The following NEGR1 variants were observed in gnomAD, a reference collection of about 807,000 sequenced individuals.
NEGR1 encodes the protein neuronal growth regulator 1, also known as IgLON family member 4.
In NEGR1, 10 loss-of-function variants were observed where a neutral mutation model predicts 40.9. The observed-to-expected ratio is 0.24, with a 90% CI of 0.15 to 0.42. NEGR1 has a LOEUF of 0.42. Ranked by LOEUF, NEGR1 falls within the 10% of genes least tolerant of loss-of-function variation. The probability of loss-of-function intolerance (pLI) is 1.00; values close to 1 mark genes in which losing one functional copy is unlikely to be tolerated. For missense variants in NEGR1, 352 were observed against 438.9 expected (o/e 0.80, Z 1.77); for synonymous variants, 185 against 166.8 (o/e 1.11, Z -0.84).
intron 1 of NEGR1, among the ~76,000 whole-genome samples, chr1:72,106,030 A>C (rs180785660): frequency 6.6e-6 from 1 of 152,226 alleles, no homozygotes; most frequent in Admixed American, 6.6e-5. Flanking sequence ...ATCTAAACTT[A>C]ATTTTTGAGG....
At chr1:71,464,457 T>G (rs1018644459) in intron 6 of NEGR1, among the ~76,000 whole-genome samples, 1 of 152,164 alleles carries the variant, frequency 6.6e-6, no homozygotes, top group African/African-American at 2.4e-5. Flanking sequence ...AAACAATATC[T>G]AATCTAATTA....
intron 4 of NEGR1, among the ~76,000 whole-genome samples, chr1:71,693,103 A>G (rs1653349427): frequency 6.6e-6 from 1 of 151,690 alleles, no homozygotes; most frequent in Admixed American, 6.6e-5. Flanking sequence ...AAATGTTTTA[A>G]TATCTCTGCA....
chr1:71,663,289 C>T (rs765426403), intron 4 of NEGR1, among the ~76,000 whole-genome samples: 1 of 152,044 alleles, frequency 6.6e-6, no homozygotes, highest in Non-Finnish European at 1.5e-5. Context: ...GTTACGTGTG[C>T]AACTTGAAAT....
chr1:71,548,114 A>C (rs1647960952), intron 6 of NEGR1, among the ~76,000 whole-genome samples: 1 of 151,624 alleles, frequency 6.6e-6, no homozygotes. Flanking sequence ...CTCATGAGAG[A>C]CCTTGAATTA....
At chr1:71,728,994 G>T (rs1035702230) in intron 3 of NEGR1, among the ~76,000 whole-genome samples, 1 of 151,202 alleles carries the variant, frequency 6.6e-6, no homozygotes, top group East Asian at 2.0e-4. Flanking sequence ...TGATAGAGAA[G>T]AAATGGAAAC....
intron 3 of NEGR1, among the ~76,000 whole-genome samples, chr1:71,724,277 A>G (rs1654604068): frequency 2.0e-5 from 3 of 152,144 alleles, no homozygotes; most frequent in Non-Finnish European, 4.4e-5. Flanking sequence ...GGATCACACC[A>G]TACATCGTAG....
chr1:72,224,680 T>G (rs747683323), intron 1 of NEGR1, among the ~76,000 whole-genome samples: 12 of 152,048 alleles, frequency 7.9e-5, no homozygotes, highest in Non-Finnish European at 1.6e-4. Flanking sequence ...TAGCTTTTCT[T>G]TAACTTTTTT....
At chr1:71,927,254 A>G (rs1404263318) in intron 2 of NEGR1, among the ~76,000 whole-genome samples, 1 of 152,154 alleles carries the variant, frequency 6.6e-6, no homozygotes, top group East Asian at 1.9e-4. Flanking sequence ...CCACCTGAAA[A>G]ATGCATTAAT....
chr1:71,409,008 C>G (rs949599074), intron 6 of NEGR1: 1 of 151,942 alleles, frequency 6.6e-6, no homozygotes, highest in African/African-American at 2.4e-5. Context: ...ATTATTGATT[C>G]CAGGTGAGTG....
intron 1 of NEGR1, among the ~76,000 whole-genome samples, chr1:72,024,750 T>C (rs1646792264): frequency 6.6e-6 from 1 of 152,176 alleles, no homozygotes; most frequent in South Asian, 2.1e-4. Flanking sequence ...GTATTTACTG[T>C]CAAAGGAAAG....
At chr1:71,578,970 G>A (rs1465544398) in intron 6 of NEGR1, among the ~76,000 whole-genome samples, 1 of 152,130 alleles carries the variant, frequency 6.6e-6, no homozygotes, top group African/African-American at 2.4e-5. Context: ...ACTAACAGTA[G>A]GCTTCATCTT....
intron 6 of NEGR1, among the ~76,000 whole-genome samples, chr1:71,451,333 A>ATTTTTTTT (rs35201330): frequency 1.2e-4 from 17 of 138,354 alleles, no homozygotes; most frequent in African/African-American, 4.6e-4. Context: ...AGTGCTACAG[A>ATTTTTTTT]TTTTTTTTTT....
At chr1:72,220,555 T>G (rs1653978841) in intron 1 of NEGR1, among the ~76,000 whole-genome samples, 1 of 152,106 alleles carries the variant, frequency 6.6e-6, no homozygotes, top group South Asian at 2.1e-4. Context: ...ATGGGAAAAT[T>G]CTATGCATAT....
At chr1:71,721,580 G>A (rs139868771) in intron 3 of NEGR1, among the ~76,000 whole-genome samples, 1,879 of 152,208 alleles carry the variant, frequency 0.012, 16 homozygotes, top group Non-Finnish European at 0.019. Context: ...TGGCACTACT[G>A]CTATTTTGGA....
At chr1:72,083,017 T>C (rs1351923209) in intron 1 of NEGR1, among the ~76,000 whole-genome samples, 1 of 152,134 alleles carries the variant, frequency 6.6e-6, no homozygotes, top group South Asian at 2.1e-4. Context: ...AAACACAAAG[T>C]ATGCTATGAA....
At chr1:72,176,025 C>T (rs542040518) in intron 1 of NEGR1, among the ~76,000 whole-genome samples, 2 of 152,216 alleles carry the variant, frequency 1.3e-5, no homozygotes, top group African/African-American at 2.4e-5. Flanking sequence ...AAATTCAGAA[C>T]TGAATGACTC....
chr1:71,863,059 G>T (rs996649641), intron 2 of NEGR1, among the ~76,000 whole-genome samples: 1 of 151,960 alleles, frequency 6.6e-6, no homozygotes, highest in Non-Finnish European at 1.5e-5. Context: ...AAGGACCTAG[G>T]AGCAGAAATA....
chr1:72,251,525 T>C (rs550001552), intron 1 of NEGR1, among the ~76,000 whole-genome samples: 7 of 152,290 alleles, frequency 4.6e-5, no homozygotes, highest in South Asian at 4.1e-4. Context: ...AAGTCTCTTA[T>C]ATAAAACGGC....
chr1:72,134,026 T>G (rs1032440052), intron 1 of NEGR1, among the ~76,000 whole-genome samples: 2 of 151,976 alleles, frequency 1.3e-5, no homozygotes, highest in Admixed American at 6.6e-5. Flanking sequence ...TAAGATGGTA[T>G]TTAGCACTTT....
Sources: allele counts gnomAD v4.1 joint callset (sites outside exome capture counted in the v4.1 genomes callset), GRCh38; gene constraint gnomAD v4.1.1; transcripts MANE v1.5; gene names NCBI Gene and HGNC (gene_info 2026-07-23, HGNC 2026-07-21).